Variants in PECAM1 observed in about 807,000 individuals in gnomAD.
PECAM1 encodes platelet and endothelial cell adhesion molecule 1.
Under a neutral mutation model 13.8 loss-of-function variants are expected in PECAM1, and 8 were observed. The ratio of observed to expected loss-of-function variants is 0.58; its 90% CI spans 0.34 to 1.05. PECAM1 has a LOEUF of 1.05. Among genes scored for constraint, PECAM1 ranks in the 50% least tolerant of loss-of-function variants. The pLI is 0.03. For missense variants in PECAM1, 304 were observed against 141.2 expected (o/e 2.15, Z -5.84); for synonymous variants, 136 against 52.6 (o/e 2.58, Z -6.86).
Position 64,377,959 on chromosome 17 carries a change from T to C in PECAM1, c.250A>G (p.Asn84Asp). The C allele has an allele frequency of 2.1e-6, 1 of 475,340 alleles. No homozygotes were observed. The highest frequency in any genetic ancestry group is 3.9e-6 in the Non-Finnish European group (1 of 259,030). The allele number at this position is 475,340 out of a possible 1,614,324, so 29.4% of individuals were successfully genotyped here. A position where few individuals can be genotyped will look rare whatever the true frequency, so the allele number is the denominator to read the frequency against. ...LFYKDDVLFY[N>D]ISSMKSTESY... ...TCTGTGCTCTTCATGGAGGAGATGT[T>C]GTAAAACAGCACGTCATCCTTATAG... Residue 84 changes from asparagine (N) to aspartate (D), a missense_variant, in exon 3 of 16, where the codon AAC becomes GAC. Coordinates refer to ENST00000563924, the MANE Select transcript of PECAM1 (RefSeq NM_000442.5).
intron 2 of PECAM1, among the ~76,000 whole-genome samples, chr17:64,389,553 G>A (rs1256797669): frequency 5.3e-5 from 8 of 152,152 alleles, no homozygotes; most frequent in African/African-American, 1.9e-4. Context: ...AGTAAAAAAA[G>A]TAGCAACAAT....
Position 64,390,783 on chromosome 17 carries a change from C to T in PECAM1, c.-118G>A. The T allele has an allele frequency of 5.0e-6, 2 of 399,600 alleles. No individual in the cohort carries two copies. Among genetic ancestry groups the T allele is most frequent in the Non-Finnish European group, 4.4e-6 (1 of 226,128 alleles). The allele number at this position is 399,600 out of a possible 1,614,324, so 24.8% of individuals were successfully genotyped here. On this transcript the variant is annotated 5_prime_UTR_variant, in exon 1 of 16. Transcript: ENST00000563924. ...CCCGCCCTGTGAAAAGCAGAAATTG[C>T]TCTGGTCACTTCTCCCGGCGCCTGC...
At chr17:64,356,505 G>T (rs73345103) in intron 7 of PECAM1, 107 bp from the exon 8 acceptor site, 2 of 403,472 alleles carry the variant, frequency 5.0e-6, no homozygotes, top group Middle Eastern at 6.4e-4. Flanking sequence ...ACAGAGTCCC[G>T]CTCTTATCAC....
Position 64,369,808 on chromosome 17 carries a change from C to A in PECAM1, c.909G>T (p.Thr303=), listed in dbSNP as rs1043469553. The A allele has an allele frequency of 3.3e-5, 13 of 398,558 alleles. No homozygotes were observed. The highest frequency in any genetic ancestry group is 5.7e-5 in the Non-Finnish European group (13 of 226,106). 24.7% of individuals were successfully genotyped at this position (398,558 alleles called of 1,614,324 possible). ...MAMVEHSGNY[T]CKVESSRISK... is the part of the protein sequence containing the mutation. ...ATATGCGGCTGGACTCCACTTTGCA[C>A]GTGTAGTTGCCACTGTGCTCCACCA... The change falls in exon 5 of 16, where the codon ACG becomes ACT. Residue 303 remains threonine, a synonymous_variant. Coordinates refer to ENST00000563924, the MANE Select transcript of PECAM1 (RefSeq NM_000442.5).
intron 2 of PECAM1, among the ~76,000 whole-genome samples, chr17:64,385,339 T>A (rs2036570032): frequency 6.6e-6 from 1 of 152,180 alleles, no homozygotes; most frequent in South Asian, 2.1e-4. Flanking sequence ...TGGTGCTCCC[T>A]GGAAACATGC....
intron 11 of PECAM1, among the ~76,000 whole-genome samples, chr17:64,352,020 G>T (rs1264230658): frequency 6.6e-6 from 1 of 152,140 alleles, no homozygotes; most frequent in African/African-American, 2.4e-5. Context: ...TCTTGTGCTT[G>T]TAATAATTCC....
In PECAM1 at chr17:64,387,530, G is replaced by A. The variant is rs980340877; in HGVS notation, c.91+2959C>T. 2.0e-4 allele frequency among the ~76,000 whole-genome samples: 30 copies of A among 152,194 alleles called. 1 individual carries two copies. Among genetic ancestry groups the A allele is most frequent in the Admixed American group, 1.7e-3 (26 of 15,286 alleles). ...AAGCAGAAATAGAGATTCTAGAAGT[G>A]GTGGTAGGGGAGAGGGACTTGAATG... On this transcript the variant is annotated intron_variant, in intron 2 of 15. Coordinates refer to ENST00000563924, the MANE Select transcript of PECAM1 (RefSeq NM_000442.5).
Position 64,320,591 on chromosome 17 carries a change from C to G in PECAM1, c.*3225G>C, listed in dbSNP as rs1482181227. 6.6e-6 allele frequency: 1 copy of G among 152,456 alleles called. No homozygotes were observed. The highest frequency in any genetic ancestry group is 1.5e-5 in the Non-Finnish European group (1 of 68,262). The allele number at this position is 152,456 out of a possible 1,614,324, so 9.4% of individuals were successfully genotyped here. On this transcript the variant is annotated 3_prime_UTR_variant, in exon 16 of 16. Coordinates refer to ENST00000563924, the MANE Select transcript of PECAM1 (RefSeq NM_000442.5). The stretch of plus-strand genomic sequence containing the variant: ...CCCCTCCCATGTGCCCTTGTTTGAG[C>G]TTTTAATTTTCCACCATGACGCTTG...
At chr17:64,358,103 G>A (rs1318167844) in intron 7 of PECAM1, among the ~76,000 whole-genome samples, 1 of 134,536 alleles carries the variant, frequency 7.4e-6, no homozygotes, top group East Asian at 2.3e-4. Context: ...ATCTGATTTG[G>A]CCACAGTCTT....
rs1005979650 is a variant in PECAM1, at chr17:64,321,978, C to T, written c.*1838G>A. 2.4e-6 allele frequency: 3 copies of T among 1,274,670 alleles called. No homozygotes were observed. The highest frequency in any genetic ancestry group is 2.3e-5 in the Admixed American group (1 of 42,930). The allele number at this position is 1,274,670 out of a possible 1,614,324, so 79.0% of individuals were successfully genotyped here. ...TCTGATCCTTTGACCTCAATCTGAG[C>T]CCACCACTCAGAAAACCTGGAAATT... is the stretch of plus-strand genomic sequence containing the variant. On this transcript the variant is annotated 3_prime_UTR_variant, in exon 16 of 16. Transcript: ENST00000563924.
intron 15 of PECAM1, among the ~76,000 whole-genome samples, chr17:64,326,786 A>C (rs1034025168): frequency 1.3e-5 from 2 of 152,206 alleles, no homozygotes; most frequent in African/African-American, 4.8e-5. Context: ...CTGTGCTTAA[A>C]TCAGAAGCCA....
At chr17:64,362,516 G>A (rs2036006839) in intron 6 of PECAM1, among the ~76,000 whole-genome samples, 2 of 152,218 alleles carry the variant, frequency 1.3e-5, no homozygotes, top group South Asian at 2.1e-4. Flanking sequence ...TCCGGGCGTG[G>A]TTGCGGGTGC....
chr17:64,326,316 G>T (rs2034958310), intron 15 of PECAM1, among the ~76,000 whole-genome samples: 1 of 152,248 alleles, frequency 6.6e-6, no homozygotes, highest in Admixed American at 6.5e-5. Flanking sequence ...TCCACAGCCA[G>T]CCTGGCTGGC....
At chr17:64,376,562 T>C (rs2036364010) in intron 3 of PECAM1, among the ~76,000 whole-genome samples, 1 of 152,166 alleles carries the variant, frequency 6.6e-6, no homozygotes, top group African/African-American at 2.4e-5. Context: ...ATGCCTACTA[T>C]GAGCCACATT....
At chr17:64,352,707 T>C (rs935131014) in intron 10 of PECAM1, among the ~76,000 whole-genome samples, 2 of 151,700 alleles carry the variant, frequency 1.3e-5, no homozygotes, top group Non-Finnish European at 2.9e-5. Context: ...CAGGCTGGAG[T>C]GCAGCAGTGC....
chr17:64,377,547 G>A lies in PECAM1; in HGVS notation c.385+277C>T, dbSNP rs975384357. On this transcript the variant is annotated intron_variant, in intron 3 of 15. Coordinates refer to ENST00000563924, the MANE Select transcript of PECAM1 (RefSeq NM_000442.5). ...AATCGCTTGAACCTGGGAGGCAGAG[G>A]TTGCAGTGAGCCGAGATCACACCAC... 8.3e-5 allele frequency: 16 copies of A among 192,570 alleles called. No homozygotes were observed. In the Admixed American group the frequency reaches 8.9e-4, roughly 11 times the overall value. The allele number at this position is 192,570 out of a possible 1,614,324, so 11.9% of individuals were successfully genotyped here. A position where few individuals can be genotyped will look rare whatever the true frequency, so the allele number is the denominator to read the frequency against.
At chr17:64,324,526 T>C (rs1555645225) in intron 15 of PECAM1, among the ~76,000 whole-genome samples, 1 of 152,140 alleles carries the variant, frequency 6.6e-6, no homozygotes. Context: ...GGTGCCCCAC[T>C]TACCCACAGA....
chr17:64,342,136 T>G, intron 13 of PECAM1, among the ~76,000 whole-genome samples: 1 of 133,596 alleles, frequency 7.5e-6, no homozygotes. Flanking sequence ...GGCAACACAG[T>G]GACACACCAC....
At chr17:64,343,988 G>A (rs1362817810) in intron 13 of PECAM1, among the ~76,000 whole-genome samples, 1 of 152,204 alleles carries the variant, frequency 6.6e-6, no homozygotes, top group Admixed American at 6.5e-5. Flanking sequence ...ATCGGGCCTG[G>A]TCCCAGCTTT....
Sources: allele counts gnomAD v4.1 joint callset (sites outside exome capture counted in the v4.1 genomes callset), GRCh38; gene constraint gnomAD v4.1.1; transcripts MANE v1.5; gene names NCBI Gene and HGNC (gene_info 2026-07-23, HGNC 2026-07-21).